Variants in SHISA6 observed in about 807,000 individuals in gnomAD.
SHISA6 encodes the protein protein shisa-6.
In SHISA6, 22 loss-of-function variants were observed where a neutral mutation model predicts 47.9. That is an observed-to-expected ratio of 0.46 (90% CI 0.33 to 0.66). SHISA6 has a LOEUF of 0.66. Ranked by LOEUF, SHISA6 falls within the 30% of genes least tolerant of loss-of-function variation. The pLI is 0.02. For missense variants in SHISA6, 680 were observed against 764.6 expected, an observed-to-expected ratio of 0.89 and a Z score of 1.30; for synonymous variants, 388 against 337.8, an observed-to-expected ratio of 1.15 and a Z score of -1.63.
chr17:11,261,303 C>T (rs1025259538), intron 1 of SHISA6, among the ~76,000 whole-genome samples: 2 of 152,214 alleles, frequency 1.3e-5, no homozygotes, highest in Admixed American at 6.5e-5. Flanking sequence ...CACTTTACAA[C>T]ATGTGGCAGG....
intron 3 of SHISA6, among the ~76,000 whole-genome samples, chr17:11,543,688 A>G (rs2071853409): frequency 6.6e-6 from 1 of 152,114 alleles, no homozygotes; most frequent in South Asian, 2.1e-4. Flanking sequence ...TAGGAGGATA[A>G]GTCTACTCAA....
chr17:11,305,458 G>A (rs967386537), intron 2 of SHISA6, among the ~76,000 whole-genome samples: 4 of 152,206 alleles, frequency 2.6e-5, no homozygotes, highest in African/African-American at 7.2e-5. Context: ...CTGAAATGGC[G>A]GGAGAAGGGC....
intron 1 of SHISA6, among the ~76,000 whole-genome samples, chr17:11,259,315 T>C (rs1032379841): frequency 3.3e-5 from 5 of 152,194 alleles, no homozygotes; most frequent in African/African-American, 1.2e-4. Flanking sequence ...TCTAAAAGTT[T>C]TCATTTTCTT....
At chr17:11,359,296 T>C (rs1399340559) in intron 2 of SHISA6, among the ~76,000 whole-genome samples, 3 of 152,242 alleles carry the variant, frequency 2.0e-5, no homozygotes, top group Non-Finnish European at 4.4e-5. Flanking sequence ...AGGCTATAAC[T>C]AAACCATATT....
chr17:11,302,316 T>C (rs926201758), intron 2 of SHISA6, among the ~76,000 whole-genome samples: 3 of 152,138 alleles, frequency 2.0e-5, no homozygotes, highest in African/African-American at 7.2e-5. Flanking sequence ...GACCACAAAA[T>C]GTTATGCTGG....
intron 2 of SHISA6, among the ~76,000 whole-genome samples, chr17:11,277,790 C>T (rs941097098): frequency 5.3e-5 from 8 of 152,054 alleles, no homozygotes; most frequent in Non-Finnish European, 1.2e-4. Flanking sequence ...ATGTCATAGC[C>T]CAAGATGGCT....
chr17:11,468,739 G>C (rs562593202), intron 3 of SHISA6, among the ~76,000 whole-genome samples: 17 of 152,040 alleles, frequency 1.1e-4, no homozygotes, highest in Admixed American at 5.2e-4. Context: ...AAGTCTTTTG[G>C]GCCTGGCACA....
At chr17:11,429,396 T>C (rs1189483111) in intron 3 of SHISA6, among the ~76,000 whole-genome samples, 2 of 152,122 alleles carry the variant, frequency 1.3e-5, no homozygotes, top group East Asian at 3.9e-4. Flanking sequence ...GGTGTTAATG[T>C]TGGGGGAGGG....
chr17:11,448,527 G>A (rs569674422), intron 3 of SHISA6, among the ~76,000 whole-genome samples: 1 of 151,634 alleles, frequency 6.6e-6, no homozygotes, highest in Admixed American at 6.6e-5. Flanking sequence ...GTAACACCCT[G>A]CCTCTGAAAA....
intron 3 of SHISA6, among the ~76,000 whole-genome samples, chr17:11,515,557 G>C (rs1046093348): frequency 6.6e-6 from 1 of 152,156 alleles, no homozygotes; most frequent in Non-Finnish European, 1.5e-5. Context: ...AGAAAGCTAA[G>C]CAAGGTGTGG....
At chr17:11,300,149 CA>C (rs56060137) in intron 2 of SHISA6, among the ~76,000 whole-genome samples, 73,729 of 129,170 alleles carry the variant, frequency 0.57, 19,425 homozygotes, top group East Asian at 0.83. Context: ...CATCTTAAAA[CA>C]AAAAAAAAAA....
At position 11,241,339 on chromosome 17, in the gene SHISA6, C is replaced by T. The variant is rs1294216338; in HGVS notation, c.-84C>T. 1.6e-5 allele frequency: 14 copies of T among 882,926 alleles called. No homozygotes were observed. The highest frequency in any genetic ancestry group is 1.9e-5 in the Non-Finnish European group (14 of 734,960). 54.7% of individuals were successfully genotyped at this position (882,926 alleles called of 1,614,324 possible). A position where few individuals can be genotyped will look rare whatever the true frequency, so the allele number is the denominator to read the frequency against. On this transcript the variant is annotated 5_prime_UTR_variant, in exon 1 of 6. Transcript: ENST00000441885. The surrounding 1 kb of genome is among the most constrained non-coding windows in gnomAD (Gnocchi z 5.5). The stretch of plus-strand genomic sequence containing the variant: ...ACCGCTCAGCGCCTCCAGCCCGGCC[C>T]GCGCGGCGGGTCCTCCGAGCCCGGC...
intron 3 of SHISA6, among the ~76,000 whole-genome samples, chr17:11,541,858 T>C (rs2071836667): frequency 6.6e-6 from 1 of 152,126 alleles, no homozygotes; most frequent in African/African-American, 2.4e-5. Flanking sequence ...TAGAGGATGA[T>C]TGGGGAGACT....
chr17:11,353,297 A>C (rs994513142), intron 2 of SHISA6, among the ~76,000 whole-genome samples: 1 of 152,104 alleles, frequency 6.6e-6, no homozygotes, highest in African/African-American at 2.4e-5. Flanking sequence ...TCTCTACTAA[A>C]AATTCAAAAA....
chr17:11,451,705 G>C (rs975127811), intron 3 of SHISA6, among the ~76,000 whole-genome samples: 14 of 152,152 alleles, frequency 9.2e-5, no homozygotes, highest in African/African-American at 3.4e-4. Context: ...CTCAGGAGCT[G>C]AGCCAGGCCC....
chr17:11,546,143 C>T (rs1461321412), intron 3 of SHISA6, among the ~76,000 whole-genome samples: 1 of 152,190 alleles, frequency 6.6e-6, no homozygotes, highest in Non-Finnish European at 1.5e-5. Flanking sequence ...TTATCTCTTC[C>T]AAACACACAT....
intron 1 of SHISA6, among the ~76,000 whole-genome samples, chr17:11,253,768 ACT>A (rs900645977): frequency 2.0e-5 from 3 of 151,570 alleles, no homozygotes; most frequent in Admixed American, 6.6e-5. Context: ...TTAGAATCCA[ACT>A]CTCTCTCTTT....
chr17:11,480,044 A>T (rs1916172694), intron 3 of SHISA6, among the ~76,000 whole-genome samples: 1 of 152,166 alleles, frequency 6.6e-6, no homozygotes, highest in African/African-American at 2.4e-5. Flanking sequence ...CTTCTGAAGG[A>T]TAATTTCACA....
intron 2 of SHISA6, among the ~76,000 whole-genome samples, chr17:11,263,762 C>T (rs1194572470): frequency 6.6e-6 from 1 of 152,098 alleles, no homozygotes; most frequent in Non-Finnish European, 1.5e-5. Flanking sequence ...GCACTTGTGA[C>T]CTAGTGAGTG....
Sources: allele counts gnomAD v4.1 joint callset (sites outside exome capture counted in the v4.1 genomes callset), GRCh38; gene constraint gnomAD v4.1.1; non-coding constraint Gnocchi (gnomAD v3.1); transcripts MANE v1.5; gene names NCBI Gene and HGNC (gene_info 2026-07-23, HGNC 2026-07-21).